RASGRF2: variants seen among roughly 807,000 people sequenced by gnomAD.
RASGRF2 encodes Ras protein specific guanine nucleotide releasing factor 2.
RASGRF2 carries 76 observed loss-of-function variants against 151.0 expected under a neutral mutation model. The ratio of observed to expected loss-of-function variants is 0.50; its 90% CI spans 0.42 to 0.61. RASGRF2 has a LOEUF of 0.61. Among genes scored for constraint, RASGRF2 ranks in the 20% least tolerant of loss-of-function variants. RASGRF2 has a pLI of 0.00. For missense variants in RASGRF2, 1,148 were observed against 1,564.6 expected, an observed-to-expected ratio of 0.73 and a Z score of 4.49; for synonymous variants, 504 against 566.5, an observed-to-expected ratio of 0.89 and a Z score of 1.57.
chr5:80,986,163 TTA>T (rs1333693765), intron 1 of RASGRF2, among the ~76,000 whole-genome samples: 1 of 152,192 alleles, frequency 6.6e-6, no homozygotes, highest in Non-Finnish European at 1.5e-5. Context: ...ATATCTGAAA[TTA>T]TATGTTTTGG....
chr5:81,094,358 T>C lies in RASGRF2; in HGVS notation c.1614T>C (p.Asp538=), dbSNP rs1333469333. 1.1e-5 allele frequency: 17 copies of C among 1,611,942 alleles called. No homozygotes were observed. The highest frequency in any genetic ancestry group is 2.2e-5 in the East Asian group (1 of 44,860). ...TTGAGGAGCCAGATGCAAGCGATGA[T>C]GACTGTAAGTCACCTTCGATCACTT... ...TLIEEPDASD[D]DSKGSGQVFG... is the part of the protein sequence containing the mutation. Residue 538 remains aspartate, a synonymous_variant, in exon 11 of 27, where the codon GAT becomes GAC. Transcript: ENST00000265080.
intron 13 of RASGRF2, among the ~76,000 whole-genome samples, chr5:81,111,333 G>A (rs762341604): frequency 6.6e-5 from 10 of 152,182 alleles, no homozygotes; most frequent in East Asian, 1.9e-4. Context: ...GGTGGTCCTC[G>A]TTGTCCACTT....
intron 19 of RASGRF2, among the ~76,000 whole-genome samples, chr5:81,201,658 A>G (rs2112714865): frequency 6.6e-6 from 1 of 152,316 alleles, no homozygotes; most frequent in African/African-American, 2.4e-5. Flanking sequence ...TGTGGAGTGC[A>G]GTTGCTGTTA....
intron 2 of RASGRF2, among the ~76,000 whole-genome samples, chr5:81,047,049 C>T (rs1750857308): frequency 6.6e-6 from 1 of 152,126 alleles, no homozygotes; most frequent in Non-Finnish European, 1.5e-5. Flanking sequence ...CAGTATTAGA[C>T]TAGGGTGGCA....
intron 1 of RASGRF2, among the ~76,000 whole-genome samples, chr5:80,975,274 T>C (rs373285998): frequency 3.3e-5 from 5 of 152,048 alleles, no homozygotes; most frequent in African/African-American, 1.2e-4. Context: ...GCTGCTCATG[T>C]CTTGGCTGTC....
intron 21 of RASGRF2, among the ~76,000 whole-genome samples, chr5:81,208,017 T>C (rs1755548782): frequency 6.6e-6 from 1 of 152,214 alleles, no homozygotes; most frequent in African/African-American, 2.4e-5. Context: ...GGGAAAATAG[T>C]CTTGATTTCT....
chr5:81,057,958 T>G (rs1751281170), intron 2 of RASGRF2, among the ~76,000 whole-genome samples: 1 of 152,028 alleles, frequency 6.6e-6, no homozygotes, highest in Non-Finnish European at 1.5e-5. Context: ...ATTGTACCAC[T>G]GCACTCCAGC....
At chr5:81,151,416 GCT>G (rs1357928379) in intron 17 of RASGRF2, among the ~76,000 whole-genome samples, 1 of 144,750 alleles carries the variant, frequency 6.9e-6, no homozygotes, top group Admixed American at 7.1e-5. Context: ...ATGGAGTCTC[GCT>G]CTGTCACCCA....
At chr5:81,037,583 TAAAG>T (rs1411785374) in intron 1 of RASGRF2, among the ~76,000 whole-genome samples, 1 of 152,186 alleles carries the variant, frequency 6.6e-6, no homozygotes, top group Non-Finnish European at 1.5e-5. Context: ...GATACAAATA[TAAAG>T]AAAGTTTAAT....
chr5:81,117,969 A>C (rs1472928592), intron 15 of RASGRF2, among the ~76,000 whole-genome samples: 1 of 152,238 alleles, frequency 6.6e-6, no homozygotes, highest in Non-Finnish European at 1.5e-5. Context: ...TCCTGAGTAC[A>C]CTGGGGTGGG....
intron 1 of RASGRF2, among the ~76,000 whole-genome samples, chr5:80,983,448 T>C (rs934250420): frequency 6.6e-6 from 1 of 152,250 alleles, no homozygotes; most frequent in African/African-American, 2.4e-5. Context: ...TAAGGGCAGC[T>C]GCTCTTCATC....
chr5:81,055,312 A>G (rs1265389250), intron 2 of RASGRF2, among the ~76,000 whole-genome samples: 1 of 152,136 alleles, frequency 6.6e-6, no homozygotes, highest in African/African-American at 2.4e-5. Flanking sequence ...TCAATACCTA[A>G]TTTATTGAGA....
intron 12 of RASGRF2, among the ~76,000 whole-genome samples, chr5:81,101,519 T>C (rs927152284): frequency 6.6e-5 from 10 of 152,032 alleles, no homozygotes; most frequent in African/African-American, 2.4e-4. Flanking sequence ...CCTGGGGATG[T>C]CCCTAAAGTC....
At chr5:81,067,549 A>G (rs919250868) in intron 2 of RASGRF2, among the ~76,000 whole-genome samples, 3 of 152,200 alleles carry the variant, frequency 2.0e-5, no homozygotes, top group Non-Finnish European at 2.9e-5. Context: ...AGTCACTAAT[A>G]CAGACATAAT....
intron 23 of RASGRF2, among the ~76,000 whole-genome samples, chr5:81,214,277 AT>A (rs1755685814): frequency 6.6e-6 from 1 of 152,242 alleles, no homozygotes; most frequent in South Asian, 2.1e-4. Context: ...TTTCAGTCAC[AT>A]TATAGGTCAC....
At chr5:81,159,965 G>A (rs1388280700) in intron 17 of RASGRF2, among the ~76,000 whole-genome samples, 1 of 152,154 alleles carries the variant, frequency 6.6e-6, no homozygotes, top group African/African-American at 2.4e-5. Flanking sequence ...CTCTCCCAGG[G>A]ATCTTATTAT....
intron 18 of RASGRF2, among the ~76,000 whole-genome samples, chr5:81,182,482 T>C (rs761815909): frequency 6.6e-6 from 1 of 152,248 alleles, no homozygotes; most frequent in Non-Finnish European, 1.5e-5. Flanking sequence ...TTAATGGGAA[T>C]TGCTTTAGGG....
At chr5:81,097,168 C>T (rs1234250616) in intron 12 of RASGRF2, among the ~76,000 whole-genome samples, 1 of 152,034 alleles carries the variant, frequency 6.6e-6, no homozygotes, top group East Asian at 1.9e-4. Context: ...ACCATGTTGG[C>T]CAGGGTGGTC....
intron 1 of RASGRF2, among the ~76,000 whole-genome samples, chr5:80,975,665 C>A (rs1748088100): frequency 6.6e-6 from 1 of 152,044 alleles, no homozygotes; most frequent in South Asian, 2.1e-4. Context: ...CATTTTACAG[C>A]TATTTATCCT....
Sources: allele counts gnomAD v4.1 joint callset (sites outside exome capture counted in the v4.1 genomes callset), GRCh38; gene constraint gnomAD v4.1.1; transcripts MANE v1.5; gene names NCBI Gene and HGNC (gene_info 2026-07-23, HGNC 2026-07-21).